NKAIN2: variants seen among roughly 807,000 people sequenced by gnomAD.
NKAIN2 encodes sodium/potassium transporting ATPase interacting 2.
Under a neutral mutation model 32.6 loss-of-function variants are expected in NKAIN2, and 14 were observed. The ratio of observed to expected loss-of-function variants is 0.43; its 90% CI spans 0.28 to 0.67. The LOEUF (loss-of-function observed/expected upper bound fraction) is 0.67. Among genes scored for constraint, NKAIN2 ranks in the 30% least tolerant of loss-of-function variants. NKAIN2 has a pLI of 0.17. For missense variants in NKAIN2, 198 were observed against 258.3 expected (o/e 0.77, Z 1.60); for synonymous variants, 80 against 87.2 (o/e 0.92, Z 0.46).
chr6:123,858,443 A>C (rs1775649557), intron 1 of NKAIN2, among the ~76,000 whole-genome samples: 1 of 152,084 alleles, frequency 6.6e-6, no homozygotes, highest in Non-Finnish European at 1.5e-5. Context: ...AATTTTCAAA[A>C]CCTGTTTTAT....
chr6:123,849,651 G>T lies in NKAIN2; in HGVS notation c.54+45397G>T, dbSNP rs143891349. Among the ~76,000 whole-genome samples, 164 of 152,234 alleles carry T rather than the reference G, an allele frequency of 1.1e-3. 3 individuals carry two copies. The highest frequency in any genetic ancestry group is 3.8e-3 in the African/African-American group (156 of 41,528). On this transcript the variant is annotated intron_variant, in intron 1 of 6. Coordinates refer to ENST00000368417, the MANE Select transcript of NKAIN2 (RefSeq NM_001040214.3). ...AACTTTGCGACAAGGAGCTACAGAG[G>T]CTGGGGGTGGGTGCCAGTGTGCTTG...
chr6:124,747,111 A>G (rs796161581), intron 4 of NKAIN2, among the ~76,000 whole-genome samples: 22 of 152,030 alleles, frequency 1.4e-4, no homozygotes, highest in African/African-American at 5.1e-4. Flanking sequence ...CATTTCAAAG[A>G]TAATATTCAA....
At chr6:124,292,423 G>A (rs1442107465) in intron 2 of NKAIN2, among the ~76,000 whole-genome samples, 1 of 152,012 alleles carries the variant, frequency 6.6e-6, no homozygotes, top group Non-Finnish European at 1.5e-5. Context: ...GACTATATTT[G>A]TTGTATGCTC....
chr6:124,407,293 C>A lies in NKAIN2; in HGVS notation c.273+51946C>A, dbSNP rs572197094. On this transcript the variant is annotated intron_variant, in intron 3 of 6. Transcript: ENST00000368417. ...ATGTGCCATGTTGGTGTGCTGCACC[C>A]ATTAACTCGTCATTTAGCATTAGGT... 4.6e-4 allele frequency among the ~76,000 whole-genome samples: 70 copies of A among 151,984 alleles called. No individual in the cohort carries two copies. In the South Asian group the frequency reaches 0.014, roughly 31 times the overall value.
At chr6:124,015,240 G>A (rs995722239) in intron 1 of NKAIN2, among the ~76,000 whole-genome samples, 2 of 152,134 alleles carry the variant, frequency 1.3e-5, no homozygotes, top group African/African-American at 4.8e-5. Flanking sequence ...ATTCTGATTG[G>A]TATAAGCCAA....
chr6:124,490,412 GT>G (rs3052658), intron 3 of NKAIN2: 23,956 of 311,018 alleles, frequency 0.077, 1,144 homozygotes, highest in African/African-American at 0.24. Flanking sequence ...AATCATAGAG[GT>G]TTTTTTTTTT....
chr6:124,005,490 A>T lies in NKAIN2; in HGVS notation c.54+201236A>T, dbSNP rs116602328. Among the ~76,000 whole-genome samples the T allele has an allele frequency of 4.8e-3, 738 of 152,254 alleles. 3 individuals carry two copies. Among genetic ancestry groups the T allele is most frequent in the African/African-American group, 0.017 (700 of 41,558 alleles). ...ATATGTATGCCATATGCCATATTAT[A>T]GTCTCTTATTGTAGTACATCCCCTA... On this transcript the variant is annotated intron_variant, in intron 1 of 6. Coordinates refer to ENST00000368417, the MANE Select transcript of NKAIN2 (RefSeq NM_001040214.3).
At chr6:124,511,352 G>C (rs1778705218) in intron 3 of NKAIN2, among the ~76,000 whole-genome samples, 1 of 152,214 alleles carries the variant, frequency 6.6e-6, no homozygotes. Flanking sequence ...AGTTCTGAGA[G>C]CTGATTGTGC....
Position 123,876,203 on chromosome 6 carries a change from G to A in NKAIN2, c.54+71949G>A, listed in dbSNP as rs1245083022. Among the ~76,000 whole-genome samples, 128 of 152,002 alleles carry A rather than the reference G, an allele frequency of 8.4e-4. 2 individuals are homozygous for A. The highest frequency in any genetic ancestry group is 8.3e-3 in the Admixed American group (127 of 15,260). On this transcript the variant is annotated intron_variant, in intron 1 of 6. Transcript: ENST00000368417. Reference sequence around the variant, plus strand: ...TGTCTGCTCATACATATCTGCAACCGAAAAATATACAATATTTCTCCATTC... The same window carrying A: ...TGTCTGCTCATACATATCTGCAACCAAAAAATATACAATATTTCTCCATTC...
chr6:123,862,295 G>A lies in NKAIN2; in HGVS notation c.54+58041G>A, dbSNP rs113655825. Among the ~76,000 whole-genome samples, 44 of 152,216 alleles carry A rather than the reference G, an allele frequency of 2.9e-4. 1 individual carries two copies. The highest frequency in any genetic ancestry group is 1.1e-3 in the African/African-American group (44 of 41,542). Reference sequence around the variant, plus strand: ...TGTCATTAAAATGTCCTTCTCCAGTGACCCTGCAGCCAATCCTTTGCAAAC... The same window carrying A: ...TGTCATTAAAATGTCCTTCTCCAGTAACCCTGCAGCCAATCCTTTGCAAAC... On this transcript the variant is annotated intron_variant, in intron 1 of 6. Coordinates refer to ENST00000368417, the MANE Select transcript of NKAIN2 (RefSeq NM_001040214.3).
chr6:124,333,169 C>G (rs1223939136), intron 2 of NKAIN2, among the ~76,000 whole-genome samples: 1 of 152,086 alleles, frequency 6.6e-6, no homozygotes, highest in Non-Finnish European at 1.5e-5. Context: ...ATATGTATAG[C>G]ACTTGGCCCT....
At chr6:124,228,196 A>T (rs1157612239) in intron 1 of NKAIN2, among the ~76,000 whole-genome samples, 1 of 152,138 alleles carries the variant, frequency 6.6e-6, no homozygotes, top group Admixed American at 6.5e-5. Flanking sequence ...CTTCAGTTTG[A>T]TGGTATTTGG....
At chr6:124,208,831 A>G (rs1393295438) in intron 1 of NKAIN2, among the ~76,000 whole-genome samples, 2 of 151,556 alleles carry the variant, frequency 1.3e-5, no homozygotes, top group South Asian at 2.1e-4. Context: ...ATTGTTAATT[A>G]TTATGGATGC....
chr6:124,262,286 G>A (rs185941821), intron 1 of NKAIN2, among the ~76,000 whole-genome samples: 13 of 152,278 alleles, frequency 8.5e-5, no homozygotes, highest in Admixed American at 7.8e-4. Flanking sequence ...TCCTGGAAGA[G>A]CCCAAAGTCC....
chr6:124,807,931 C>A (rs1780668994), intron 5 of NKAIN2, among the ~76,000 whole-genome samples: 1 of 149,332 alleles, frequency 6.7e-6, no homozygotes, highest in Non-Finnish European at 1.5e-5. Context: ...AAGACTAAAC[C>A]AGGAAGAAGT....
intron 3 of NKAIN2, among the ~76,000 whole-genome samples, chr6:124,412,205 G>T (rs1396003310): frequency 2.6e-5 from 4 of 152,146 alleles, no homozygotes; most frequent in Non-Finnish European, 4.4e-5. Flanking sequence ...GTCCAGCTTT[G>T]TTCCATTGCT....
intron 1 of NKAIN2, among the ~76,000 whole-genome samples, chr6:124,148,270 A>C (rs1442799473): frequency 6.8e-6 from 1 of 146,530 alleles, no homozygotes; most frequent in African/African-American, 2.5e-5. Flanking sequence ...TGCGAATAAT[A>C]AAATCAATTC....
At chr6:124,598,269 C>A (rs1782171504) in intron 3 of NKAIN2, among the ~76,000 whole-genome samples, 1 of 152,110 alleles carries the variant, frequency 6.6e-6, no homozygotes, top group South Asian at 2.1e-4. Flanking sequence ...TAATTATCAT[C>A]TTTCTCTCTC....
chr6:124,784,542 T>C (rs1040350962), intron 4 of NKAIN2, among the ~76,000 whole-genome samples: 4 of 152,162 alleles, frequency 2.6e-5, no homozygotes, highest in Non-Finnish European at 5.9e-5. Flanking sequence ...TCATGCAGGC[T>C]GTTGCATGTA....
Sources: gnomAD v4.1 joint callset for allele counts (sites outside exome capture counted in the v4.1 genomes callset) on GRCh38, gnomAD v4.1.1 for gene constraint, MANE v1.5 for transcripts, NCBI Gene and HGNC (gene_info 2026-07-23, HGNC 2026-07-21) for gene names.